Variants in RBFOX1 observed in about 807,000 individuals in gnomAD.
The protein encoded by RBFOX1 is RNA binding fox-1 homolog 1.
A neutral mutation model predicts 57.7 loss-of-function variants in RBFOX1; 8 were observed. That is an observed-to-expected ratio of 0.14 (90% CI 0.08 to 0.25). The LOEUF (loss-of-function observed/expected upper bound fraction) is 0.25, where lower values mean the gene tolerates loss of function less well. Among genes scored for constraint, RBFOX1 ranks in the 10% least tolerant of loss-of-function variants. RBFOX1 has a pLI of 1.00. For missense variants in RBFOX1, 611 were observed against 548.5 expected (o/e 1.11, Z -1.14); for synonymous variants, 326 against 222.4 (o/e 1.47, Z -4.15).
chr16:5,524,831 G>A (rs978585910), intron 2 of RBFOX1, among the ~76,000 whole-genome samples: 8 of 151,980 alleles, frequency 5.3e-5, no homozygotes, highest in Non-Finnish European at 8.8e-5. Context: ...GTGAGACACC[G>A]CACCCGGCCC....
chr16:6,993,295 G>A (rs1163744324), intron 3 of RBFOX1, among the ~76,000 whole-genome samples: 2 of 152,194 alleles, frequency 1.3e-5, no homozygotes, highest in Non-Finnish European at 2.9e-5. Flanking sequence ...TGAGTCTTCT[G>A]AGAATCAGGA....
intron 3 of RBFOX1, among the ~76,000 whole-genome samples, chr16:7,025,936 C>G (rs2040788641): frequency 6.6e-6 from 1 of 152,198 alleles, no homozygotes; most frequent in East Asian, 1.9e-4. Context: ...GAGCTCCCAC[C>G]TGGCCTGGAA....
At chr16:6,815,885 A>G (rs927439569) in intron 3 of RBFOX1, among the ~76,000 whole-genome samples, 3 of 152,240 alleles carry the variant, frequency 2.0e-5, no homozygotes. Context: ...GTATAATTTA[A>G]AAAATAATTT....
intron 3 of RBFOX1, among the ~76,000 whole-genome samples, chr16:5,707,451 C>T (rs530459134): frequency 1.1e-4 from 17 of 152,208 alleles, no homozygotes; most frequent in Admixed American, 9.8e-4. Flanking sequence ...GGCGGTTGGA[C>T]CCAGATTGAG....
At chr16:7,034,841 C>CTTTTCTTTTTTTTTTTTTTT (rs2043859259) in intron 3 of RBFOX1, among the ~76,000 whole-genome samples, 1 of 39,166 alleles carries the variant, frequency 2.6e-5, no homozygotes, top group East Asian at 1.1e-3. Flanking sequence ...TTTTTTTTTT[C>CTTTTCTTTTTTTTTTTTTTT]TTTTTTCTTT....
At chr16:6,955,245 G>GA (rs1304058556) in intron 3 of RBFOX1, among the ~76,000 whole-genome samples, 1 of 148,734 alleles carries the variant, frequency 6.7e-6, no homozygotes, top group Non-Finnish European at 1.5e-5. Context: ...TGTCTGGGAA[G>GA]AAAAAAAGAA....
At chr16:7,571,822 G>T (rs2092806195) in intron 5 of RBFOX1, among the ~76,000 whole-genome samples, 1 of 57,956 alleles carries the variant, frequency 1.7e-5, no homozygotes, top group African/African-American at 4.8e-5. Flanking sequence ...AGTTGTGCAT[G>T]GCCTGAGAAA....
At chr16:5,929,374 T>C (rs151170831) in intron 4 of RBFOX1, among the ~76,000 whole-genome samples, 365 of 152,236 alleles carry the variant, frequency 2.4e-3, no homozygotes, top group African/African-American at 8.2e-3. Flanking sequence ...ATAAATGTAA[T>C]GTCTGAGAAT....
intron 3 of RBFOX1, among the ~76,000 whole-genome samples, chr16:6,753,619 A>G (rs984189194): frequency 1.3e-5 from 2 of 152,184 alleles, no homozygotes. Flanking sequence ...AGAACCAGCA[A>G]CAGAGCGAAA....
chr16:5,522,646 G>C (rs950498660), intron 2 of RBFOX1, among the ~76,000 whole-genome samples: 3 of 152,056 alleles, frequency 2.0e-5, no homozygotes, highest in Non-Finnish European at 4.4e-5. Context: ...TTCTTTCTTT[G>C]TTTGTACCCA....
intron 4 of RBFOX1, among the ~76,000 whole-genome samples, chr16:7,303,730 C>A (rs1184257786): frequency 6.6e-6 from 1 of 151,820 alleles, no homozygotes; most frequent in Non-Finnish European, 1.5e-5. Flanking sequence ...TCCTCTCTTT[C>A]AATCTCTCTC....
At chr16:6,913,675 A>G (rs555957399) in intron 3 of RBFOX1, among the ~76,000 whole-genome samples, 5 of 152,206 alleles carry the variant, frequency 3.3e-5, no homozygotes, top group African/African-American at 9.6e-5. Context: ...AGCCCTTGGT[A>G]GACCTGGCTC....
At position 6,440,755 on chromosome 16, in the gene RBFOX1, C is replaced by T. The variant is rs116567122; in HGVS notation, c.-64+123698C>T. On this transcript the variant is annotated intron_variant, in intron 2 of 15. Coordinates refer to ENST00000550418, the MANE Select transcript of RBFOX1 (RefSeq NM_018723.4). ...GGCAGAGGTTTCAATGAGCCGAGATCGTGCCAGTGTGCCTCAGCCTGGGTG... is the reference window on the plus strand; with the variant it reads ...GGCAGAGGTTTCAATGAGCCGAGATTGTGCCAGTGTGCCTCAGCCTGGGTG... Among the ~76,000 whole-genome samples the T allele has an allele frequency of 5.7e-3, 837 of 146,708 alleles. 4 individuals carry two copies. The highest frequency in any genetic ancestry group is 0.02 in the African/African-American group (774 of 39,140).
At chr16:6,980,486 GT>G (rs1372051599) in intron 3 of RBFOX1, among the ~76,000 whole-genome samples, 1 of 152,154 alleles carries the variant, frequency 6.6e-6, no homozygotes, top group Non-Finnish European at 1.5e-5. Flanking sequence ...TCTGGTGTTT[GT>G]TTGCATTCCT....
intron 4 of RBFOX1, among the ~76,000 whole-genome samples, chr16:6,009,093 C>G (rs866142896): frequency 6.6e-6 from 1 of 150,464 alleles, no homozygotes; most frequent in Non-Finnish European, 1.5e-5. Context: ...TATGGTTTGT[C>G]TTTTACTTTT....
At chr16:5,784,956 T>A (rs554702990) in intron 3 of RBFOX1, among the ~76,000 whole-genome samples, 6 of 152,150 alleles carry the variant, frequency 3.9e-5, no homozygotes, top group Non-Finnish European at 2.9e-5. Flanking sequence ...TGGTATTTTG[T>A]CATAGCAGCC....
At chr16:6,923,765 T>C (rs1311538075) in intron 3 of RBFOX1, among the ~76,000 whole-genome samples, 1 of 152,158 alleles carries the variant, frequency 6.6e-6, no homozygotes, top group Non-Finnish European at 1.5e-5. Context: ...GCTTAATTAA[T>C]AGTTAGTCTA....
chr16:5,820,902 A>G (rs150827684), intron 3 of RBFOX1, among the ~76,000 whole-genome samples: 90 of 152,182 alleles, frequency 5.9e-4, no homozygotes, highest in African/African-American at 2.0e-3. Context: ...GGTTTTCCCA[A>G]CCTCAGGCTC....
chr16:7,548,560 G>A (rs1272154550), intron 5 of RBFOX1, among the ~76,000 whole-genome samples: 2 of 152,224 alleles, frequency 1.3e-5, no homozygotes, highest in African/African-American at 2.4e-5. Context: ...CTAGTCTAGA[G>A]CTGTGAACCA....
Sources: gnomAD v4.1 joint callset for allele counts (sites outside exome capture counted in the v4.1 genomes callset) on GRCh38, gnomAD v4.1.1 for gene constraint, MANE v1.5 for transcripts, NCBI Gene and HGNC (gene_info 2026-07-23, HGNC 2026-07-21) for gene names.